Variants in ISL2 observed in about 807,000 individuals in gnomAD.
ISL2 encodes insulin gene enhancer protein ISL-2.
ISL2 carries 17 observed loss-of-function variants against 34.6 expected under a neutral mutation model. That is an observed-to-expected ratio of 0.49 (90% CI 0.34 to 0.74). The LOEUF is 0.74. ISL2 is among the 30% of genes least tolerant of loss of function. ISL2 has a pLI of 0.01. For synonymous variants in ISL2, 232 were observed against 225.5 expected, an observed-to-expected ratio of 1.03 and a Z score of -0.26; for missense variants, 469 against 515.2, an observed-to-expected ratio of 0.91 and a Z score of 0.87.
Position 76,341,136 on chromosome 15 carries a change from C to T in ISL2, c.798C>T (p.Ser266=), listed in dbSNP as rs1436384891. The T allele has an allele frequency of 6.3e-7, 1 of 1,588,284 alleles. No homozygotes were observed. The highest frequency in any genetic ancestry group is 1.8e-5 in the Admixed American group (1 of 56,902). Reference sequence around the variant, plus strand: ...ACTGCCTTCTGCTTGCCCCGCAGAGCCTTCAGGGACTGACTGGGACGCCCC... The same window carrying T: ...ACTGCCTTCTGCTTGCCCCGCAGAGTCTTCAGGGACTGACTGGGACGCCCC... ...LQQQQHSDKT[S]LQGLTGTPLV... is the part of the protein sequence containing the mutation. Residue 266 remains serine, a splice_region_variant and synonymous_variant, in exon 5 of 6, where the codon AGC becomes AGT. Coordinates refer to ENST00000290759, the MANE Select transcript of ISL2 (RefSeq NM_145805.3).
intron 2 of ISL2, 76 bp downstream of exon 2, chr15:76,338,043 G>C (rs2040165559): frequency 7.6e-7 from 1 of 1,320,094 alleles, no homozygotes; most frequent in Non-Finnish European, 9.8e-7. Flanking sequence ...CGGCCTGCCC[G>C]CGCGCCCCGG....
Position 76,341,296 on chromosome 15 carries a change from C to A in ISL2, c.958C>A (p.Gln320Lys). The A allele has an allele frequency of 6.3e-7, 1 of 1,596,648 alleles. No homozygotes were observed. Among genetic ancestry groups the A allele is most frequent in the South Asian group, 1.1e-5 (1 of 88,740 alleles). ...CGACCTGGACCAACCCGCCTTCCAA[C>A]AGCTGGTGAGGCCCTGCCCTACCCG... is the stretch of plus-strand genomic sequence containing the variant. ...QSDLDQPAFQ[Q>K]LVSFSESGSL... The change falls in exon 5 of 6, where the codon CAG becomes AAG. Residue 320 changes from glutamine to lysine, a missense_variant. Coordinates refer to ENST00000290759, the MANE Select transcript of ISL2 (RefSeq NM_145805.3).
chr15:76,340,053 C>A (rs548807720), intron 3 of ISL2: 1 of 1,363,724 alleles, frequency 7.3e-7, no homozygotes, highest in Non-Finnish European at 9.4e-7. Context: ...CGGGAGAGAT[C>A]GCTGCGGGGC....
intron 3 of ISL2, 113 bp from the exon 4 acceptor site, chr15:76,340,163 G>T: frequency 7.0e-7 from 1 of 1,433,244 alleles, no homozygotes; most frequent in Non-Finnish European, 9.1e-7. Flanking sequence ...GAAACAAACA[G>T]AATAAAACAG....
Position 76,337,015 on chromosome 15 carries a change from A to G in ISL2, c.58+74A>G. The G allele has an allele frequency of 3.0e-6, 4 of 1,330,094 alleles. No individual in the cohort carries two copies. In the South Asian group the frequency reaches 3.5e-5, roughly 12 times the overall value. 82.4% of individuals were successfully genotyped at this position (1,330,094 alleles called of 1,614,324 possible). A position where few individuals can be genotyped will look rare whatever the true frequency, so the allele number is the denominator to read the frequency against. On this transcript the variant is annotated intron_variant, in intron 1 of 5. Transcript: ENST00000290759. ...TATGCAAAATTTCTAATGCAGAAAA[A>G]TGTTTAGTGGATTCTACAAGTGGCT...
chr15:76,336,964 G>A (rs2141580401), intron 1 of ISL2, 23 bp downstream of exon 1: 1 of 1,594,478 alleles, frequency 6.3e-7, no homozygotes, highest in Non-Finnish European at 8.6e-7. Flanking sequence ...GTGTGTGTGT[G>A]GGGTGGGGTG....
Position 76,340,516 on chromosome 15 carries a change from T to C in ISL2, c.752T>C (p.Ile251Thr), listed in dbSNP as rs2040185590. 1 of 1,612,880 alleles carries C rather than the reference T, an allele frequency of 6.2e-7. No individual in the cohort carries two copies. Among genetic ancestry groups the C allele is most frequent in the Admixed American group, 1.7e-5 (1 of 60,008 alleles). Residue 251 changes from isoleucine (I) to threonine (T), a missense_variant, in exon 4 of 6, where the codon ATT becomes ACT. Coordinates refer to ENST00000290759, the MANE Select transcript of ISL2 (RefSeq NM_145805.3). ...NKRCKDKKKS[I>T]LMKQLQQQQH... ...CGCTGCAAGGACAAGAAGAAATCCA[T>C]TCTCATGAAGCAGCTGCAGCAGCAG...
rs1300405567 is a variant in ISL2 at position 76,338,387 on chromosome 15, C to T, written c.384C>T (p.Asp128=). 3.2e-6 allele frequency: 5 copies of T among 1,542,326 alleles called. No individual in the cohort carries two copies. Among genetic ancestry groups the T allele is most frequent in the Non-Finnish European group, 4.3e-6 (5 of 1,153,732 alleles). ...GCAGCCGCCAGCTGCTGCCTGGGGA[C>T]GAGTTCTCGCTGCGGGAGCACGAGC... The part of the protein sequence containing the change: ...SVCSRQLLPG[D]EFSLREHELL... Residue 128 remains aspartate, a synonymous_variant, in exon 3 of 6, where the codon GAC becomes GAT. Transcript: ENST00000290759.
rs1349135536 is a variant in ISL2 at position 76,342,239 on chromosome 15, G to C, written c.*404G>C. 5.8e-6 allele frequency: 1 copy of C among 173,274 alleles called. No homozygotes were observed. Among genetic ancestry groups the C allele is most frequent in the African/African-American group, 2.4e-5 (1 of 42,290 alleles). 10.7% of individuals were successfully genotyped at this position (173,274 alleles called of 1,614,324 possible). ...CCTGGCGGCTTCGCCCGGGCTCCTA[G>C]CGGGGAAAAGGAAGGGGATAACTCA... On this transcript the variant is annotated 3_prime_UTR_variant, in exon 6 of 6. Coordinates refer to ENST00000290759, the MANE Select transcript of ISL2 (RefSeq NM_145805.3).
At chr15:76,339,849 G>A (rs190185531) in intron 3 of ISL2, 3 of 1,005,292 alleles carry the variant, frequency 3.0e-6, no homozygotes, top group East Asian at 1.0e-4. Flanking sequence ...GCAGCGCCTC[G>A]CCCTGGGTCC....
chr15:76,339,554 G>A (rs1010471666), intron 3 of ISL2: 1 of 985,526 alleles, frequency 1.0e-6, no homozygotes, highest in Non-Finnish European at 1.2e-6. Flanking sequence ...CTGTTTCCCC[G>A]GGATGGAGAG....
intron 1 of ISL2, chr15:76,337,476 CTCT>C (rs933001258): frequency 9.8e-6 from 4 of 408,266 alleles, no homozygotes; most frequent in African/African-American, 6.2e-5. Flanking sequence ...TGTATTTACT[CTCT>C]TCTTAGTTTC....
rs1385524124 is a variant in ISL2, at chr15:76,342,144, C to T, written c.*309C>T. The stretch of plus-strand genomic sequence containing the variant: ...CGCCGCTCTGTCTCTCCACGCCCCA[C>T]CTGTGTCCCCATCTCGGCCGGCCCG... On this transcript the variant is annotated 3_prime_UTR_variant, in exon 6 of 6. Coordinates refer to ENST00000290759, the MANE Select transcript of ISL2 (RefSeq NM_145805.3). The T allele has an allele frequency of 4.4e-6, 1 of 226,576 alleles. No individual in the cohort carries two copies. The highest frequency in any genetic ancestry group is 2.3e-5 in the African/African-American group (1 of 44,122). 14.0% of individuals were successfully genotyped at this position (226,576 alleles called of 1,614,324 possible). A position where few individuals can be genotyped will look rare whatever the true frequency, so the allele number is the denominator to read the frequency against.
chr15:76,339,715 C>T (rs1203615949), intron 3 of ISL2: 20 of 985,770 alleles, frequency 2.0e-5, no homozygotes, highest in Non-Finnish European at 1.7e-5. Flanking sequence ...GCCCTGGAGG[C>T]CCGTCCATAA....
rs758589032 is a variant in ISL2, at chr15:76,340,527, C to T, written c.763C>T (p.Gln255Ter). The T allele has an allele frequency of 1.9e-6, 3 of 1,610,794 alleles. No individual in the cohort carries two copies. Among genetic ancestry groups the T allele is most frequent in the Non-Finnish European group, 1.7e-6 (2 of 1,178,062 alleles). ...CAAGAAGAAATCCATTCTCATGAAG[C>T]AGCTGCAGCAGCAGCAGCACAGCGA... ...KDKKKSILMK[Q>*]LQQQQHSDKT... Residue 255 changes from glutamine to a stop codon, truncating the protein, a stop_gained, in exon 4 of 6, where the codon CAG (glutamine) becomes TAG (stop). Coordinates refer to ENST00000290759, the MANE Select transcript of ISL2 (RefSeq NM_145805.3). LOFTEE classifies it high-confidence loss of function.
chr15:76,341,456 C>T (rs2040193437), intron 5 of ISL2, among the ~76,000 whole-genome samples, 155 bp downstream of exon 5: 1 of 152,178 alleles, frequency 6.6e-6, no homozygotes, highest in African/African-American at 2.4e-5. Flanking sequence ...GGCTCTGAAA[C>T]CTCACCTCGG....
intron 2 of ISL2, 131 bp downstream of exon 2, chr15:76,338,098 A>C: frequency 7.5e-7 from 1 of 1,329,544 alleles, no homozygotes; most frequent in Non-Finnish European, 9.8e-7. Flanking sequence ...CGGGTGCCGC[A>C]GCGCTCCCCC....
chr15:76,337,631 T>G, intron 1 of ISL2, 147 bp from the exon 2 acceptor site: 3 of 675,548 alleles, frequency 4.4e-6, no homozygotes, highest in Non-Finnish European at 7.1e-6. Flanking sequence ...CCCTGGACCT[T>G]TAGAGAGCTC....
chr15:76,339,908 T>G, intron 3 of ISL2: 1 of 1,070,616 alleles, frequency 9.3e-7, no homozygotes, highest in South Asian at 3.4e-5. Context: ...CTCTTTCCTC[T>G]TCCTCTGAAA....
Sources: gnomAD v4.1 joint callset for allele counts (sites outside exome capture counted in the v4.1 genomes callset) on GRCh38, gnomAD v4.1.1 for gene constraint, MANE v1.5 for transcripts, NCBI Gene and HGNC (gene_info 2026-07-23, HGNC 2026-07-21) for gene names.